The following EIF2AK1 variants were observed in gnomAD, a reference collection of about 807,000 sequenced individuals.
The protein encoded by EIF2AK1 is eukaryotic translation initiation factor 2-alpha kinase 1.
Under a neutral mutation model 77.9 loss-of-function variants are expected in EIF2AK1, and 54 were observed. The observed-to-expected ratio is 0.69, with a 90% CI of 0.56 to 0.87. EIF2AK1 has a LOEUF of 0.87. Ranked by LOEUF, EIF2AK1 falls within the 40% of genes least tolerant of loss-of-function variation. The pLI is 0.00. For missense variants in EIF2AK1, 810 were observed against 768.6 expected (o/e 1.05, Z -0.64); for synonymous variants, 314 against 290.5 (o/e 1.08, Z -0.82).
At chr7:6,030,360 G>T (rs1474815810) in intron 11 of EIF2AK1, among the ~76,000 whole-genome samples, 2 of 152,164 alleles carry the variant, frequency 1.3e-5, no homozygotes, top group African/African-American at 2.4e-5. Flanking sequence ...ATCACCTGTT[G>T]TAACTGCCCT....
chr7:6,024,355 A>C lies in EIF2AK1; in HGVS notation c.*318T>G. On this transcript the variant is annotated 3_prime_UTR_variant, in exon 15 of 15. Coordinates refer to ENST00000199389, the MANE Select transcript of EIF2AK1 (RefSeq NM_014413.4). Reference sequence around the variant, plus strand: ...GGCTTGGGCAGTGACGAGGGCAGGGAGCACACATCAATTTCTGCGGTACCT... The same window carrying C: ...GGCTTGGGCAGTGACGAGGGCAGGGCGCACACATCAATTTCTGCGGTACCT... The C allele has an allele frequency of 8.3e-7, 1 of 1,206,880 alleles. No homozygotes were observed. Among genetic ancestry groups the C allele is most frequent in the Non-Finnish European group, 1.0e-6 (1 of 968,632 alleles). 74.8% of individuals were successfully genotyped at this position (1,206,880 alleles called of 1,614,324 possible). A position where few individuals can be genotyped will look rare whatever the true frequency, so the allele number is the denominator to read the frequency against.
rs2128886662 is a variant in EIF2AK1, at chr7:6,033,024, A to G, written c.1333-3992T>C. The G allele has an allele frequency of 8.6e-7, 1 of 1,168,390 alleles. No individual in the cohort carries two copies. The highest frequency in any genetic ancestry group is 2.7e-5 in the East Asian group (1 of 36,874). The allele number at this position is 1,168,390 out of a possible 1,614,324, so 72.4% of individuals were successfully genotyped here. On this transcript the variant is annotated intron_variant, in intron 11 of 14. Transcript: ENST00000199389. This position sits in a 1 kb window ranked among gnomAD's most constrained non-coding sequence, Gnocchi z 4.4. ...CGCTCTGTTGCCCAGGCTGGAGTGC[A>G]ATGGCACAATCTCGCCTCACTGCAA...
rs371430551 is a variant in EIF2AK1, at chr7:6,054,531, T to C, written c.277+15A>G. 1 of 1,613,506 alleles carries C rather than the reference T, an allele frequency of 6.2e-7. No individual in the cohort carries two copies. The highest frequency in any genetic ancestry group is 8.5e-7 in the Non-Finnish European group (1 of 1,179,522). On this transcript the variant is annotated intron_variant, in intron 2 of 14. Transcript: ENST00000199389. Reference sequence around the variant, plus strand: ...TACAAGCTTTATTTAGCAAGATTCATTTATTCTTACTTACGCTTAAACACC... The same window carrying C: ...TACAAGCTTTATTTAGCAAGATTCACTTATTCTTACTTACGCTTAAACACC...
Position 6,036,110 on chromosome 7 carries a change from T to C in EIF2AK1, c.1332+1314A>G. On this transcript the variant is annotated intron_variant, in intron 11 of 14. Coordinates refer to ENST00000199389, the MANE Select transcript of EIF2AK1 (RefSeq NM_014413.4). The surrounding 1 kb of genome is among the most constrained non-coding windows in gnomAD (Gnocchi z 4.6). ...TTCAGCGCAGTTGCAATGTAAGAGA[T>C]ACGGCACTTCTGGCCAGGCTACTTT... The C allele has an allele frequency of 6.4e-7, 1 of 1,550,848 alleles. No homozygotes were observed. The highest frequency in any genetic ancestry group is 1.7e-4 in the Middle Eastern group (1 of 5,994).
rs919233554 is a variant in EIF2AK1 at position 6,023,191 on chromosome 7, C to T, written c.*1482G>A. ...ATGTGATGTTCTTCTTGAAAACACC[C>T]TTTCCCATGTCATCAGTCTGTGGTG... On this transcript the variant is annotated 3_prime_UTR_variant, in exon 15 of 15. Transcript: ENST00000199389. The T allele has an allele frequency of 1.0e-5, 13 of 1,277,642 alleles. No individual in the cohort carries two copies. In the African/African-American group the frequency reaches 1.8e-4, roughly 18 times the overall value. 79.1% of individuals were successfully genotyped at this position (1,277,642 alleles called of 1,614,324 possible).
intron 7 of EIF2AK1, 40 bp from the exon 8 acceptor site, chr7:6,043,033 G>C (rs1788342067): frequency 7.5e-6 from 12 of 1,596,350 alleles, no homozygotes; most frequent in Non-Finnish European, 1.0e-5. Flanking sequence ...AAACAGCCCA[G>C]TTTTTCAAAT....
chr7:6,054,493 G>A (rs558406291), intron 2 of EIF2AK1, 53 bp downstream of exon 2: 35 of 1,595,616 alleles, frequency 2.2e-5, no homozygotes, highest in South Asian at 1.6e-4. Flanking sequence ...CATGAACCAC[G>A]GAGCCCAGCC....
intron 1 of EIF2AK1, among the ~76,000 whole-genome samples, chr7:6,057,167 C>G (rs1220510718): frequency 4.6e-5 from 6 of 129,442 alleles, no homozygotes; most frequent in African/African-American, 1.8e-4. Context: ...GAGTCTCACT[C>G]TGTTGCCCAG....
intron 14 of EIF2AK1, 37 bp from the exon 15 acceptor site, chr7:6,024,838 AC>A: frequency 7.3e-6 from 10 of 1,372,558 alleles, no homozygotes; most frequent in Non-Finnish European, 9.7e-6. Context: ...CATTAAAATA[AC>A]TTTTTTTTTT....
chr7:6,058,931 G>C (rs1380412357), intron 1 of EIF2AK1, 35 bp downstream of exon 1: 11 of 1,485,146 alleles, frequency 7.4e-6, no homozygotes, highest in South Asian at 5.1e-5. Flanking sequence ...TGGACAGAGA[G>C]AGCAGAGCGG....
intron 11 of EIF2AK1, among the ~76,000 whole-genome samples, chr7:6,037,197 C>A (rs1233380515): frequency 1.3e-5 from 2 of 151,674 alleles, no homozygotes; most frequent in Non-Finnish European, 2.9e-5. Flanking sequence ...TGCCACTGCG[C>A]TCCAACGTGG....
rs375677900 is a variant in EIF2AK1 at position 6,023,108 on chromosome 7, T to A, written c.*1565A>T. 3.0e-5 allele frequency: 19 copies of A among 627,688 alleles called. No individual in the cohort carries two copies. The African/African-American group carries it at 3.3e-4, about 11-fold the overall frequency. The allele number at this position is 627,688 out of a possible 1,614,324, so 38.9% of individuals were successfully genotyped here. On this transcript the variant is annotated 3_prime_UTR_variant, in exon 15 of 15. Coordinates refer to ENST00000199389, the MANE Select transcript of EIF2AK1 (RefSeq NM_014413.4). ...AGGAATGACTCTTTGGTTACTTTTT[T>A]AACATAGTTTGCACTTAAACCCTTT... is the stretch of plus-strand genomic sequence containing the variant.
At position 6,054,572 on chromosome 7, in the gene EIF2AK1, G is replaced by A; in HGVS notation, c.251C>T (p.Pro84Leu). Residue 84 changes from proline to leucine, a missense_variant, in exon 2 of 15, where the codon CCA becomes CTA. Physicochemically the swap from Pro to Leu is moderately conservative, Grantham distance 98. Around this residue, in one of 3 missense-constraint regions of EIF2AK1, gnomAD observed 246 missense variants for 199.0 expected, o/e 1.24. Coordinates refer to ENST00000199389, the MANE Select transcript of EIF2AK1 (RefSeq NM_014413.4). ...EHLSHVHEPNPLRSRQVFKLL... is the reference protein window; with the variant it reads ...EHLSHVHEPNLLRSRQVFKLL... ...CTTAAACACCTGTCTTGAACGAAGT[G>A]GGTTTGGTTCATGCACGTGGCTCAA... is the stretch of plus-strand genomic sequence containing the variant. The A allele has an allele frequency of 2.5e-6, 4 of 1,614,098 alleles. No homozygotes were observed. Among genetic ancestry groups the A allele is most frequent in the Non-Finnish European group, 3.4e-6 (4 of 1,180,026 alleles).
chr7:6,058,868 G>C, intron 1 of EIF2AK1, 98 bp downstream of exon 1: 1 of 1,123,606 alleles, frequency 8.9e-7, no homozygotes, highest in Non-Finnish European at 1.2e-6. Flanking sequence ...AGCCAAAGTC[G>C]CCCAGGTCCT....
intron 1 of EIF2AK1, among the ~76,000 whole-genome samples, chr7:6,055,438 C>A (rs1294890089): frequency 1.3e-5 from 2 of 150,458 alleles, no homozygotes; most frequent in Non-Finnish European, 2.9e-5. Flanking sequence ...TACTTATCTA[C>A]ATGTACAATC....
At chr7:6,034,950 G>A (rs948783320) in intron 11 of EIF2AK1, among the ~76,000 whole-genome samples, 1 of 152,138 alleles carries the variant, frequency 6.6e-6, no homozygotes, top group African/African-American at 2.4e-5. Context: ...TCTAAGAAAG[G>A]AGTCAACGGG....
At chr7:6,031,266 T>C in intron 11 of EIF2AK1, 2 of 1,085,046 alleles carry the variant, frequency 1.8e-6, no homozygotes, top group Non-Finnish European at 2.7e-6. Context: ...GATCCAATTC[T>C]CGACAAATTC....
chr7:6,050,383 C>T (rs939256381), intron 2 of EIF2AK1, among the ~76,000 whole-genome samples: 17 of 151,732 alleles, frequency 1.1e-4, no homozygotes, highest in African/African-American at 3.4e-4. Flanking sequence ...TTAGTAAAGA[C>T]GGGGTTTCGC....
chr7:6,045,752 T>TATATATATATATATATATATATATAA (rs1270534755), intron 6 of EIF2AK1, among the ~76,000 whole-genome samples: 1 of 148,444 alleles, frequency 6.7e-6, no homozygotes, highest in Non-Finnish European at 1.5e-5. Flanking sequence ...TATATATATA[T>TATATATATATATATATATATATATAA]AAATTAGCCA....
Sources: allele counts gnomAD v4.1 joint callset (sites outside exome capture counted in the v4.1 genomes callset), GRCh38; gene constraint gnomAD v4.1.1; regional missense constraint gnomAD v4.1.1; non-coding constraint Gnocchi (gnomAD v3.1); transcripts MANE v1.5; gene names NCBI Gene and HGNC (gene_info 2026-07-23, HGNC 2026-07-21).